TRIP13: variants seen among roughly 807,000 people sequenced by gnomAD.
TRIP13 encodes the protein thyroid hormone receptor interactor 13.
TRIP13 carries 25 observed loss-of-function variants against 54.4 expected under a neutral mutation model. That is an observed-to-expected ratio of 0.46 (90% CI 0.33 to 0.64). The LOEUF is 0.64. Among genes scored for constraint, TRIP13 ranks in the 30% least tolerant of loss-of-function variants. The pLI is 0.02. For synonymous variants in TRIP13, 207 were observed against 207.8 expected (o/e 1.00, Z 0.03); for missense variants, 373 against 534.2 (o/e 0.70, Z 2.97).
At chr5:893,120 G>T in intron 1 of TRIP13, 30 bp downstream of exon 1, 1 of 1,553,498 alleles carries the variant, frequency 6.4e-7, no homozygotes, top group Non-Finnish European at 8.7e-7. Context: ...CACATCCTCT[G>T]GGCACCCACC....
rs1487770560 is a variant in TRIP13 at position 911,999 on chromosome 5, A to G, written c.1020+3A>G. The G allele has an allele frequency of 1.3e-6, 2 of 1,592,390 alleles. No homozygotes were observed. Among genetic ancestry groups the G allele is most frequent in the African/African-American group, 1.4e-5 (1 of 71,956 alleles). Reference sequence around the variant, plus strand: ...CTTGTTTGGAAGAACTGATGAAGGTACCTTTATTTTTTTTTTCCTCTTGAT... The same window carrying G: ...CTTGTTTGGAAGAACTGATGAAGGTGCCTTTATTTTTTTTTTCCTCTTGAT... On this transcript the variant is annotated splice_donor_region_variant and intron_variant, in intron 10 of 12. Transcript: ENST00000166345. The surrounding 1 kb of genome is among the most constrained non-coding windows in gnomAD (Gnocchi z 4.7).
chr5:919,030 GT>G (rs1754383556), downstream of TRIP13: 1 of 152,200 alleles, frequency 6.6e-6, no homozygotes, highest in African/African-American at 2.4e-5. Context: ...GCAGACGCAT[GT>G]CTAGAAGACA....
rs1312058792 is a variant in TRIP13 at position 912,044 on chromosome 5, GTTC to G, written c.1020+51_1020+53del. ...CTTGATACAAATGGATTTCTTATAT[GTTC>G]TTAATTAATTAAGATAGCTTAAAAT... On this transcript the variant is annotated intron_variant, in intron 10 of 12. Coordinates refer to ENST00000166345, the MANE Select transcript of TRIP13 (RefSeq NM_004237.4). The surrounding 1 kb of genome is among the most constrained non-coding windows in gnomAD (Gnocchi z 7.2). 6.3e-7 allele frequency: 1 copy of G among 1,575,100 alleles called. No individual in the cohort carries two copies. The highest frequency in any genetic ancestry group is 1.4e-5 in the African/African-American group (1 of 72,696).
At position 912,623 on chromosome 5, in the gene TRIP13, C is replaced by T. The variant is rs999887148; in HGVS notation, c.1020+627C>T. Among the ~76,000 whole-genome samples the T allele has an allele frequency of 3.3e-5, 5 of 149,880 alleles. No individual in the cohort carries two copies. The highest frequency in any genetic ancestry group is 1.2e-4 in the African/African-American group (5 of 40,472). On this transcript the variant is annotated intron_variant, in intron 10 of 12. Coordinates refer to ENST00000166345, the MANE Select transcript of TRIP13 (RefSeq NM_004237.4). This position sits in a 1 kb window ranked among gnomAD's most constrained non-coding sequence, Gnocchi z 7.2. ...GGTGAGTGTGAGTCAGGAGGGCCGTCGCCACGGGCACAATGACATGTGCGG... is the reference window on the plus strand; with the variant it reads ...GGTGAGTGTGAGTCAGGAGGGCCGTTGCCACGGGCACAATGACATGTGCGG...
Position 911,152 on chromosome 5 carries a change from G to C in TRIP13, c.867-691G>C, listed in dbSNP as rs935228328. 2.0e-5 allele frequency among the ~76,000 whole-genome samples: 3 copies of C among 152,244 alleles called. No homozygotes were observed. Among genetic ancestry groups the C allele is most frequent in the African/African-American group, 7.2e-5 (3 of 41,472 alleles). On this transcript the variant is annotated intron_variant, in intron 9 of 12. Coordinates refer to ENST00000166345, the MANE Select transcript of TRIP13 (RefSeq NM_004237.4). This position sits in a 1 kb window ranked among gnomAD's most constrained non-coding sequence, Gnocchi z 4.7. Reference sequence around the variant, plus strand: ...AGTTTAGACGCTAGAGGGGAGAGCAGATCATGAACATGGGAAGTAACCCAG... The same window carrying C: ...AGTTTAGACGCTAGAGGGGAGAGCACATCATGAACATGGGAAGTAACCCAG...
rs868499472 is a variant in TRIP13 at position 908,286 on chromosome 5, C to T, written c.760-69C>T. The stretch of plus-strand genomic sequence containing the variant: ...CATCTTTTTCACGTGCTCAGCGGGA[C>T]GTATCCCCATAGCTGCCTGTGAAGT... On this transcript the variant is annotated intron_variant, in intron 8 of 12. Coordinates refer to ENST00000166345, the MANE Select transcript of TRIP13 (RefSeq NM_004237.4). This position sits in a 1 kb window ranked among gnomAD's most constrained non-coding sequence, Gnocchi z 5.2. 15 of 1,544,092 alleles carry T rather than the reference C, an allele frequency of 9.7e-6. No homozygotes were observed. The highest frequency in any genetic ancestry group is 4.5e-5 in the East Asian group (2 of 44,504).
At chr5:904,102 T>C in intron 5 of TRIP13, 46 bp from the exon 6 acceptor site, 1 of 1,557,548 alleles carries the variant, frequency 6.4e-7, no homozygotes, top group African/African-American at 1.4e-5. Context: ...AAGAAATTTG[T>C]TGTAGCACTG....
rs1012415524 is a variant in TRIP13 at position 915,336 on chromosome 5, C to T, written c.1134-568C>T. Among the ~76,000 whole-genome samples, 2 of 152,226 alleles carry T rather than the reference C, an allele frequency of 1.3e-5. No individual in the cohort carries two copies. Among genetic ancestry groups the T allele is most frequent in the Non-Finnish European group, 2.9e-5 (2 of 68,050 alleles). On this transcript the variant is annotated intron_variant, in intron 11 of 12. Coordinates refer to ENST00000166345, the MANE Select transcript of TRIP13 (RefSeq NM_004237.4). This position sits in a 1 kb window ranked among gnomAD's most constrained non-coding sequence, Gnocchi z 4.2. ...GCTGCATCGTGCCTTACGCCTGGTG[C>T]TCCCAGGCAGGTGATGCCTTCCCTG...
chr5:893,334 A>G (rs1422174435), intron 1 of TRIP13, among the ~76,000 whole-genome samples: 1 of 151,738 alleles, frequency 6.6e-6, no homozygotes, highest in African/African-American at 2.4e-5. Context: ...CCCAGCTCAC[A>G]GATTGAGCCC....
chr5:916,224 CTG>C (rs1754338196), intron 12 of TRIP13, among the ~76,000 whole-genome samples: 1 of 152,218 alleles, frequency 6.6e-6, no homozygotes, highest in Non-Finnish European at 1.5e-5. Context: ...ACGTCTGCCT[CTG>C]TGGTGTGCTG....
In TRIP13 at chr5:911,990, G is replaced by C; in HGVS notation, c.1014G>C (p.Leu338=). 1 of 1,603,456 alleles carries C rather than the reference G, an allele frequency of 6.2e-7. No individual in the cohort carries two copies. Among genetic ancestry groups the C allele is most frequent in the Non-Finnish European group, 8.5e-7 (1 of 1,177,326 alleles). ...FKIYLSCLEE[L]MKCQIIYPRQ... is the part of the protein sequence containing the mutation. ...TCTACCTCTCTTGTTTGGAAGAACT[G>C]ATGAAGGTACCTTTATTTTTTTTTT... The change falls in exon 10 of 13, where the codon CTG becomes CTC. Residue 338 remains leucine (L), a synonymous_variant. Coordinates refer to ENST00000166345, the MANE Select transcript of TRIP13 (RefSeq NM_004237.4). This position sits in a 1 kb window ranked among gnomAD's most constrained non-coding sequence, Gnocchi z 4.7.
intron 1 of TRIP13, 26 bp from the exon 2 acceptor site, chr5:894,759 TTA>T (rs750674357): frequency 6.3e-7 from 1 of 1,579,990 alleles, no homozygotes; most frequent in Non-Finnish European, 8.6e-7. Flanking sequence ...CTAAGATCAT[TTA>T]TGTGTGTTTT....
At chr5:903,949 A>G (rs1476675189) in intron 5 of TRIP13, among the ~76,000 whole-genome samples, 199 bp from the exon 6 acceptor site, 1 of 152,186 alleles carries the variant, frequency 6.6e-6, no homozygotes, top group Non-Finnish European at 1.5e-5. Context: ...TTGAGTACAA[A>G]TAAGAAAGAG....
At position 893,036 on chromosome 5, in the gene TRIP13, C is replaced by A; in HGVS notation, c.38C>A (p.Pro13His). 1.9e-6 allele frequency: 3 copies of A among 1,596,718 alleles called. No individual in the cohort carries two copies. In the South Asian group the frequency reaches 3.4e-5, roughly 18 times the overall value. The change falls in exon 1 of 13, where the codon CCC becomes CAC. Residue 13 changes from proline (P) to histidine (H), a missense_variant. Pro to His is a moderately conservative substitution (Grantham distance 77, BLOSUM62 -2). This residue lies in a region of TRIP13 where 151 missense variants were observed against 151.9 expected (regional missense o/e 0.99). Transcript: ENST00000166345. ...GTGGGCGACCTGAAGCAGGCGCTTC[C>A]CTGTGTGGCCGAGTCGCCAACGGTC... ...EAVGDLKQALPCVAESPTVHV... is the reference protein window; with the variant it reads ...EAVGDLKQALHCVAESPTVHV...
At chr5:904,486 G>C (rs1374428823) in intron 6 of TRIP13, among the ~76,000 whole-genome samples, 2 of 152,134 alleles carry the variant, frequency 1.3e-5, no homozygotes, top group African/African-American at 4.8e-5. Flanking sequence ...TGCAGTGTTC[G>C]TCTCTAATTA....
rs1754138091 is a variant in TRIP13 at position 907,418 on chromosome 5, G to A, written c.672+225G>A. Among the ~76,000 whole-genome samples the A allele has an allele frequency of 6.6e-6, 1 of 152,202 alleles. No homozygotes were observed. Among genetic ancestry groups the A allele is most frequent in the African/African-American group, 2.4e-5 (1 of 41,442 alleles). On this transcript the variant is annotated intron_variant, in intron 7 of 12. Transcript: ENST00000166345. The surrounding 1 kb of genome is among the most constrained non-coding windows in gnomAD (Gnocchi z 4.1). ...ACTGGGTGGGACAGGACAATCGATG[G>A]ACTCTCAGAAGGGCAGGGCTGGCAC...
chr5:908,989 A>G lies in TRIP13; in HGVS notation c.866+528A>G, dbSNP rs1366574605. On this transcript the variant is annotated intron_variant, in intron 9 of 12. Transcript: ENST00000166345. The surrounding 1 kb of genome is among the most constrained non-coding windows in gnomAD (Gnocchi z 5.2). Reference sequence around the variant, plus strand: ...AAAAAATGTGAAAGAAAACTCAGGCATGGTAAGCATTTTACGTAGCACAGA... The same window carrying G: ...AAAAAATGTGAAAGAAAACTCAGGCGTGGTAAGCATTTTACGTAGCACAGA... 2 of 161,494 alleles carry G rather than the reference A, an allele frequency of 1.2e-5. No homozygotes were observed. The highest frequency in any genetic ancestry group is 2.7e-5 in the Non-Finnish European group (2 of 73,034). 10.0% of individuals were successfully genotyped at this position (161,494 alleles called of 1,614,324 possible). A position where few individuals can be genotyped will look rare whatever the true frequency, so the allele number is the denominator to read the frequency against.
chr5:906,616 A>G (rs938335526), intron 6 of TRIP13, among the ~76,000 whole-genome samples: 3 of 152,222 alleles, frequency 2.0e-5, no homozygotes, highest in Non-Finnish European at 4.4e-5. Flanking sequence ...TGATTTAGTC[A>G]GCAGCTAAGC....
At position 892,984 on chromosome 5, in the gene TRIP13, G is replaced by A. The variant is rs914266681; in HGVS notation, c.-15G>A. The A allele has an allele frequency of 1.9e-6, 3 of 1,558,148 alleles. No individual in the cohort carries two copies. Among genetic ancestry groups the A allele is most frequent in the East Asian group, 2.4e-5 (1 of 41,484 alleles). ...GCCGCGCCCTGGTTGGGTCCCCACTGCTCTCGGGGGCGCCATGGACGAGGC... is the reference window on the plus strand; with the variant it reads ...GCCGCGCCCTGGTTGGGTCCCCACTACTCTCGGGGGCGCCATGGACGAGGC... On this transcript the variant is annotated 5_prime_UTR_variant, in exon 1 of 13. Transcript: ENST00000166345.
Sources: allele counts gnomAD v4.1 joint callset (sites outside exome capture counted in the v4.1 genomes callset), GRCh38; gene constraint gnomAD v4.1.1; regional missense constraint gnomAD v4.1.1; non-coding constraint Gnocchi (gnomAD v3.1); transcripts MANE v1.5; gene names NCBI Gene and HGNC (gene_info 2026-07-23, HGNC 2026-07-21).